Variants in GPHN observed in about 807,000 individuals in gnomAD.
The protein encoded by GPHN is gephyrin.
In GPHN, 17 loss-of-function variants were observed where a neutral mutation model predicts 95.5. The observed-to-expected ratio is 0.18, with a 90% CI of 0.12 to 0.27. The LOEUF (loss-of-function observed/expected upper bound fraction) is 0.27, where lower values mean the gene tolerates loss of function less well. Ranked by LOEUF, GPHN falls within the 10% of genes least tolerant of loss-of-function variation. The pLI is 1.00. For synonymous variants in GPHN, 320 were observed against 322.5 expected (o/e 0.99, Z 0.08); for missense variants, 660 against 978.1 (o/e 0.67, Z 4.34).
the GPHN span, chr14:67,569,789 C>T: frequency 1.5e-6 from 1 of 674,492 alleles, no homozygotes; most frequent in Non-Finnish European, 2.7e-6. Flanking sequence ...TGAACAGGGC[C>T]CTGGCCCCCC....
At chr14:67,244,585 A>G in the GPHN span, among the ~76,000 whole-genome samples, 1 of 152,230 alleles carries the variant, frequency 6.6e-6, no homozygotes, top group East Asian at 1.9e-4. Context: ...GAACAGTTCC[A>G]TCACCTATCC....
At chr14:67,412,194 C>A in the GPHN span, 1 of 642,648 alleles carries the variant, frequency 1.6e-6, no homozygotes, top group South Asian at 2.9e-5. Flanking sequence ...CGACGCCTCC[C>A]TGGCGCGTGT....
At chr14:66,894,112 T>C (rs1342393779) in intron 5 of GPHN, among the ~76,000 whole-genome samples, 1 of 152,064 alleles carries the variant, frequency 6.6e-6, no homozygotes, top group Non-Finnish European at 1.5e-5. Flanking sequence ...CTTCAAACTA[T>C]ACTACAAGGC....
chr14:67,131,895 A>G (rs1182242247), intron 17 of GPHN, among the ~76,000 whole-genome samples: 2 of 152,162 alleles, frequency 1.3e-5, no homozygotes, highest in Non-Finnish European at 2.9e-5. Context: ...CAGCTCAGCA[A>G]TATAGCTTCT....
intron 1 of GPHN, among the ~76,000 whole-genome samples, chr14:66,659,238 CTT>C (rs2065490417): frequency 6.6e-6 from 1 of 151,410 alleles, no homozygotes; most frequent in Admixed American, 6.6e-5. Context: ...TTAGAAGTCT[CTT>C]GTTTAGATTT....
At chr14:67,048,791 C>G (rs1474281183) in intron 10 of GPHN, among the ~76,000 whole-genome samples, 1 of 152,158 alleles carries the variant, frequency 6.6e-6, no homozygotes, top group Non-Finnish European at 1.5e-5. Flanking sequence ...CTATGATCTT[C>G]TCAGTGGGAC....
intron 5 of GPHN, among the ~76,000 whole-genome samples, chr14:66,910,444 G>C (rs778380187): frequency 6.6e-6 from 1 of 151,876 alleles, no homozygotes; most frequent in Non-Finnish European, 1.5e-5. Context: ...ACAGTGTGTT[G>C]ATAGGAATGT....
At chr14:67,148,912 A>C (rs2081070983) in intron 18 of GPHN, among the ~76,000 whole-genome samples, 1 of 151,384 alleles carries the variant, frequency 6.6e-6, no homozygotes, top group African/African-American at 2.4e-5. Flanking sequence ...TCCTTTTCTC[A>C]TGAGTGTATG....
chr14:67,684,135 A>C, the GPHN span, among the ~76,000 whole-genome samples: 1 of 151,732 alleles, frequency 6.6e-6, no homozygotes, highest in African/African-American at 2.4e-5. Context: ...GCTAAAGCAC[A>C]GACCAGATTT....
chr14:67,275,738 A>T, the GPHN span, among the ~76,000 whole-genome samples: 1 of 152,138 alleles, frequency 6.6e-6, no homozygotes, highest in African/African-American at 2.4e-5. Context: ...TTGGCTGCGA[A>T]TCCATTTGGT....
chr14:67,612,879 A>C, the GPHN span, among the ~76,000 whole-genome samples: 1 of 152,042 alleles, frequency 6.6e-6, no homozygotes, highest in Admixed American at 6.6e-5. Flanking sequence ...AGGGAGGTGG[A>C]GGTCACAGTG....
At chr14:67,648,099 C>A in the GPHN span, 1 of 1,613,820 alleles carries the variant, frequency 6.2e-7, no homozygotes, top group Admixed American at 1.7e-5. Context: ...TGACCCTACA[C>A]TGGCTCCAGC....
In GPHN at chr14:66,894,763, G is replaced by A. The variant is rs369159755; in HGVS notation, c.389+14730G>A. The stretch of plus-strand genomic sequence containing the variant: ...CCAACAGACACATGAAAAAATGCTC[G>A]TCATCACTGGCCATCAGAGAAATGC... On this transcript the variant is annotated intron_variant, in intron 5 of 22. Transcript: ENST00000478722. 8.6e-5 allele frequency among the ~76,000 whole-genome samples: 13 copies of A among 151,318 alleles called. No individual in the cohort carries two copies. In the East Asian group the frequency reaches 1.4e-3, roughly 16 times the overall value.
At chr14:66,521,680 G>C (rs752702597) in intron 1 of GPHN, among the ~76,000 whole-genome samples, 3 of 152,006 alleles carry the variant, frequency 2.0e-5, no homozygotes, top group Non-Finnish European at 4.4e-5. Context: ...TTTTATGAGG[G>C]CACTAATCCC....
the GPHN span, among the ~76,000 whole-genome samples, chr14:67,590,551 G>A: frequency 6.6e-6 from 1 of 152,160 alleles, no homozygotes; most frequent in Non-Finnish European, 1.5e-5. Flanking sequence ...TAGAGACAGG[G>A]TTTCACCATG....
chr14:66,762,573 A>C (rs2058799393), intron 2 of GPHN, among the ~76,000 whole-genome samples: 1 of 152,054 alleles, frequency 6.6e-6, no homozygotes, highest in African/African-American at 2.4e-5. Flanking sequence ...AAAAAAAAAA[A>C]AAAATCTGGG....
the GPHN span, among the ~76,000 whole-genome samples, chr14:67,246,543 A>T: frequency 2.7e-5 from 4 of 150,932 alleles, no homozygotes; most frequent in Non-Finnish European, 5.9e-5. Context: ...ATCTCCCTAT[A>T]TTGCCCAAGC....
intron 3 of GPHN, among the ~76,000 whole-genome samples, chr14:66,811,877 A>G (rs2060777487): frequency 6.6e-6 from 1 of 152,236 alleles, no homozygotes; most frequent in Non-Finnish European, 1.5e-5. Flanking sequence ...TAACTATTAT[A>G]AACTCTAAAC....
chr14:67,256,578 C>T, the GPHN span, among the ~76,000 whole-genome samples: 22 of 151,986 alleles, frequency 1.4e-4, no homozygotes, highest in Admixed American at 5.9e-4. Context: ...GATGGAGTCT[C>T]GCTCTGTTGC....
Sources: gnomAD v4.1 joint callset for allele counts (sites outside exome capture counted in the v4.1 genomes callset) on GRCh38, gnomAD v4.1.1 for gene constraint, MANE v1.5 for transcripts, NCBI Gene and HGNC (gene_info 2026-07-23, HGNC 2026-07-21) for gene names.